The following PCDH11X variants were observed in gnomAD, a reference collection of about 807,000 sequenced individuals.
PCDH11X encodes protocadherin-11 X-linked.
In PCDH11X, 18 loss-of-function variants were observed where a neutral mutation model predicts 53.3. That is an observed-to-expected ratio of 0.34 (90% CI 0.23 to 0.50). PCDH11X has a LOEUF of 0.50. Among genes scored for constraint, PCDH11X ranks in the 20% least tolerant of loss-of-function variants. PCDH11X has a pLI of 0.98. For missense variants in PCDH11X, 570 were observed against 1,032.4 expected (o/e 0.55, Z 6.14); for synonymous variants, 279 against 393.3 (o/e 0.71, Z 3.44).
intron 10 of PCDH11X, among the ~76,000 whole-genome samples, chrX:92,565,978 G>C (rs1921425925): frequency 9.2e-6 from 1 of 108,555 alleles, no homozygotes; most frequent in Admixed American, 9.9e-5. Flanking sequence ...ATTAACCAAG[G>C]GTGGATATAA....
rs191974628 is a variant in PCDH11X, at chrX:92,603,297, G to A, written c.3368-14967G>A. On this transcript the variant is annotated intron_variant, in intron 10 of 10. Coordinates refer to ENST00000682573, the MANE Select transcript of PCDH11X (RefSeq NM_032968.5). ...CTTATTTTTTATTCTATCTGACAATGTTTGCCTTGTTTTTTGTTGTTTAAT... is the reference window on the plus strand; with the variant it reads ...CTTATTTTTTATTCTATCTGACAATATTTGCCTTGTTTTTTGTTGTTTAAT... Among the ~76,000 whole-genome samples, 269 of 108,743 alleles carry A rather than the reference G, an allele frequency of 2.5e-3. 2 individuals are homozygous for A. The highest frequency in any genetic ancestry group is 8.5e-3 in the African/African-American group (254 of 29,817). 94.4% of individuals were successfully genotyped at this position (108,743 alleles called of 115,157 possible).
At chrX:91,790,728 G>A (rs1935503165) in intron 1 of PCDH11X, among the ~76,000 whole-genome samples, 1 of 110,980 alleles carries the variant, frequency 9.0e-6, no homozygotes, top group East Asian at 2.8e-4. Context: ...TAATCTAAGT[G>A]AAACTTTCAT....
At chrX:91,892,618 G>A (rs1452388805) in intron 6 of PCDH11X, among the ~76,000 whole-genome samples, 3 of 106,228 alleles carry the variant, frequency 2.8e-5, no homozygotes, top group Non-Finnish European at 5.8e-5. Flanking sequence ...TTTTTTTTTT[G>A]TTAAGACACC....
At chrX:91,821,381 T>C (rs1322391598) in intron 4 of PCDH11X, among the ~76,000 whole-genome samples, 1 of 109,320 alleles carries the variant, frequency 9.1e-6, no homozygotes, top group Admixed American at 9.7e-5. Flanking sequence ...CTTGAAGAGG[T>C]CCTTCACATC....
intron 8 of PCDH11X, among the ~76,000 whole-genome samples, chrX:92,336,118 A>C (rs1206936929): frequency 8.9e-6 from 1 of 111,897 alleles, no homozygotes; most frequent in East Asian, 2.8e-4. Flanking sequence ...AATTATCAAA[A>C]TAGAAAAAAA....
At chrX:92,286,454 T>TAA (rs58210957) in intron 8 of PCDH11X, among the ~76,000 whole-genome samples, 2,748 of 82,492 alleles carry the variant, frequency 0.033, 152 homozygotes, top group East Asian at 0.21. Flanking sequence ...ATTCAAAAAG[T>TAA]AAAAAAAAAA....
At chrX:92,220,265 T>G (rs1334078424) in intron 7 of PCDH11X, among the ~76,000 whole-genome samples, 4 of 76,174 alleles carry the variant, frequency 5.3e-5, no homozygotes, top group African/African-American at 2.0e-4. Context: ...ACAGGCAACC[T>G]ACAAAATGGG....
intron 8 of PCDH11X, among the ~76,000 whole-genome samples, chrX:92,300,564 G>A (rs1403354406): frequency 8.1e-5 from 9 of 110,898 alleles, no homozygotes; most frequent in Admixed American, 5.8e-4. Flanking sequence ...TGCAACCTCC[G>A]CCTCCTGGAT....
chrX:91,843,237 T>C (rs1296982185), intron 5 of PCDH11X, among the ~76,000 whole-genome samples: 4 of 107,027 alleles, frequency 3.7e-5, no homozygotes, highest in African/African-American at 1.4e-4. Context: ...GGAAAGAATA[T>C]TTATTTTATA....
intron 6 of PCDH11X, among the ~76,000 whole-genome samples, chrX:91,964,007 G>A (rs773170678): frequency 9.1e-6 from 1 of 109,961 alleles, no homozygotes; most frequent in Non-Finnish European, 1.9e-5. Context: ...ATCATGTAGG[G>A]ATTATGGGAA....
chrX:92,144,194 T>C (rs2065234887), intron 6 of PCDH11X, among the ~76,000 whole-genome samples: 1 of 109,378 alleles, frequency 9.1e-6, no homozygotes, highest in African/African-American at 3.4e-5. Flanking sequence ...TTTGGACTGG[T>C]GGGCTTTTGG....
intron 7 of PCDH11X, among the ~76,000 whole-genome samples, chrX:92,250,219 G>A (rs1440178370): frequency 9.0e-6 from 1 of 110,969 alleles, no homozygotes; most frequent in Admixed American, 9.7e-5. Flanking sequence ...TTGGATACCT[G>A]CCTATAGTCT....
chrX:92,498,383 C>T (rs2148692232), intron 10 of PCDH11X, among the ~76,000 whole-genome samples: 1 of 110,880 alleles, frequency 9.0e-6, no homozygotes, highest in South Asian at 3.8e-4. Flanking sequence ...CCAGATTACT[C>T]ACTCTTAACA....
chrX:92,217,173 A>T (rs1377194038), intron 7 of PCDH11X, among the ~76,000 whole-genome samples: 28 of 110,579 alleles, frequency 2.5e-4, no homozygotes, highest in African/African-American at 8.9e-4. Context: ...GCTAACATCA[A>T]AATAACAGGA....
chrX:92,017,785 C>T (rs1183963401), intron 6 of PCDH11X, among the ~76,000 whole-genome samples: 1 of 95,922 alleles, frequency 1.0e-5, no homozygotes, highest in East Asian at 3.3e-4. Context: ...CATAGAGACA[C>T]AAAGTGAGCA....
chrX:91,954,692 G>A (rs2061686587), intron 6 of PCDH11X, among the ~76,000 whole-genome samples: 1 of 110,800 alleles, frequency 9.0e-6, no homozygotes, highest in Admixed American at 9.6e-5. Context: ...GCTTTGACTT[G>A]CCTTTCTCTA....
intron 6 of PCDH11X, chrX:91,879,857 A>G: frequency 1.3e-6 from 1 of 748,536 alleles, no homozygotes; most frequent in Non-Finnish European, 1.6e-6. Flanking sequence ...CACACAATAT[A>G]ACAAGAATGG....
chrX:92,461,027 A>C, intron 9 of PCDH11X: 1 of 526,918 alleles, frequency 1.9e-6, no homozygotes, highest in Non-Finnish European at 3.1e-6. Context: ...AAAAAGATTT[A>C]AACAATGAAA....
intron 9 of PCDH11X, among the ~76,000 whole-genome samples, chrX:92,452,032 T>A (rs916737965): frequency 1.7e-4 from 19 of 109,048 alleles, no homozygotes; most frequent in African/African-American, 5.7e-4. Context: ...CATAAATGTG[T>A]GAATTCTATT....
Sources: allele counts gnomAD v4.1 joint callset (sites outside exome capture counted in the v4.1 genomes callset), GRCh38; gene constraint gnomAD v4.1.1; transcripts MANE v1.5; gene names NCBI Gene and HGNC (gene_info 2026-07-23, HGNC 2026-07-21).